LPP: variants seen among roughly 807,000 people sequenced by gnomAD.
The protein encoded by LPP is LIM domain containing preferred translocation partner in lipoma.
In LPP, 38 loss-of-function variants were observed where a neutral mutation model predicts 60.4. The ratio of observed to expected loss-of-function variants is 0.63; its 90% CI spans 0.49 to 0.83. LPP has a LOEUF of 0.83. LPP is among the 40% of genes least tolerant of loss of function. The pLI, the probability that LPP is intolerant of heterozygous loss-of-function variation, is 0.00. For synonymous variants in LPP, 328 were observed against 290.8 expected (o/e 1.13, Z -1.30); for missense variants, 902 against 783.6 (o/e 1.15, Z -1.80).
Position 188,843,786 on chromosome 3 carries a change from C to CAAAAAA in LPP, c.1411-22407_1411-22402dup, listed in dbSNP as rs544161994. ...TGGGCGACAGAGCAAGACTCCGTCT[C>CAAAAAA]AAAAAAAAAAAATCCTTCCTCTGGG... On this transcript the variant is annotated intron_variant, in intron 9 of 11. Transcript: ENST00000617246. 7.4e-4 allele frequency among the ~76,000 whole-genome samples: 56 copies of CAAAAAA among 75,744 alleles called. 4 individuals carry two copies. The highest frequency in any genetic ancestry group is 2.4e-3 in the African/African-American group (50 of 20,502). 49.7% of individuals were successfully genotyped at this position (75,744 alleles called of 152,430 possible).
At chr3:188,659,754 A>G (rs1854137550) in intron 7 of LPP, among the ~76,000 whole-genome samples, 1 of 151,886 alleles carries the variant, frequency 6.6e-6, no homozygotes, top group Admixed American at 6.6e-5. Flanking sequence ...ATATTTGATT[A>G]GCTTATTCCA....
intron 9 of LPP, among the ~76,000 whole-genome samples, chr3:188,852,736 A>G (rs974113116): frequency 1.3e-5 from 2 of 152,226 alleles, no homozygotes; most frequent in African/African-American, 4.8e-5. Flanking sequence ...TATGTTGTTC[A>G]AAAGTGACAC....
intron 2 of LPP, among the ~76,000 whole-genome samples, chr3:188,331,176 T>C (rs1463297393): frequency 6.6e-6 from 1 of 152,170 alleles, no homozygotes; most frequent in African/African-American, 2.4e-5. Context: ...CATGGATATG[T>C]TGAATAGATT....
chr3:188,628,293 G>T (rs1278726133), intron 7 of LPP, among the ~76,000 whole-genome samples: 1 of 151,536 alleles, frequency 6.6e-6, no homozygotes, highest in Non-Finnish European at 1.5e-5. Context: ...CCATACAAAA[G>T]ATCACTAAAA....
chr3:188,240,511 G>T (rs550395973), intron 2 of LPP, among the ~76,000 whole-genome samples: 2 of 152,194 alleles, frequency 1.3e-5, no homozygotes, highest in African/African-American at 4.8e-5. Flanking sequence ...GAATTTGACT[G>T]CTTTATTTTG....
intron 7 of LPP, among the ~76,000 whole-genome samples, chr3:188,627,011 T>A (rs1220383348): frequency 2.0e-5 from 3 of 152,302 alleles, no homozygotes; most frequent in Non-Finnish European, 2.9e-5. Context: ...TACTTTTTCT[T>A]ACATTTTTAG....
intron 2 of LPP, chr3:188,240,129 G>C (rs2149440185): frequency 5.2e-6 from 1 of 191,342 alleles, no homozygotes; most frequent in East Asian, 8.2e-5. Context: ...ATGATGGAGA[G>C]ACTGCTGGAC....
chr3:188,300,486 G>C lies in LPP; in HGVS notation c.-66-41177G>C, dbSNP rs1427194346. Reference sequence around the variant, plus strand: ...TTTTTTTTTTTTTTTGGCAGTAAAGGAATTTGAAGTATCCAGTTTTTTAAA... The same window carrying C: ...TTTTTTTTTTTTTTTGGCAGTAAAGCAATTTGAAGTATCCAGTTTTTTAAA... On this transcript the variant is annotated intron_variant, in intron 2 of 11. Transcript: ENST00000617246. Among the ~76,000 whole-genome samples, 5 of 145,008 alleles carry C rather than the reference G, an allele frequency of 3.4e-5. No individual in the cohort carries two copies. The East Asian group carries it at 9.9e-4, about 29-fold the overall frequency.
chr3:188,756,037 G>A (rs920325827), intron 8 of LPP, among the ~76,000 whole-genome samples: 54 of 151,958 alleles, frequency 3.6e-4, no homozygotes, highest in Non-Finnish European at 8.8e-5. Flanking sequence ...GTTGGTAAGA[G>A]GAGGTAAATC....
intron 4 of LPP, among the ~76,000 whole-genome samples, chr3:188,438,251 G>T (rs1792845154): frequency 6.6e-6 from 1 of 151,908 alleles, no homozygotes; most frequent in African/African-American, 2.4e-5. Flanking sequence ...TTATATTCCT[G>T]TGACTAATGA....
At chr3:188,404,246 ATGTT>A (rs199695675) in intron 3 of LPP, among the ~76,000 whole-genome samples, 5,684 of 152,078 alleles carry the variant, frequency 0.037, 148 homozygotes, top group Non-Finnish European at 0.061. Flanking sequence ...AGAGGTTTAT[ATGTT>A]TGTTTGTTTT....
At chr3:188,606,359 T>TGTGATA (rs1842372170) in intron 6 of LPP, among the ~76,000 whole-genome samples, 1 of 152,182 alleles carries the variant, frequency 6.6e-6, no homozygotes, top group African/African-American at 2.4e-5. Context: ...CACATATCAT[T>TGTGATA]TGTCTCAAAT....
chr3:188,266,000 T>C (rs575037237), intron 2 of LPP, among the ~76,000 whole-genome samples: 1 of 152,242 alleles, frequency 6.6e-6, no homozygotes, highest in Admixed American at 6.5e-5. Context: ...TCTTTATATG[T>C]CTTTACTTCT....
chr3:188,434,683 G>T (rs1219427525), intron 4 of LPP, among the ~76,000 whole-genome samples: 1 of 152,210 alleles, frequency 6.6e-6, no homozygotes, highest in African/African-American at 2.4e-5. Context: ...CTTCAGTTTA[G>T]AAAAGTGCCA....
At chr3:188,331,401 CA>C in intron 2 of LPP, among the ~76,000 whole-genome samples, 1 of 152,286 alleles carries the variant, frequency 6.6e-6, no homozygotes, top group Non-Finnish European at 1.5e-5. Context: ...CAGCTCTTTG[CA>C]AGGCAATTTG....
intron 6 of LPP, among the ~76,000 whole-genome samples, chr3:188,581,312 T>C (rs1836032311): frequency 6.6e-6 from 1 of 152,264 alleles, no homozygotes; most frequent in East Asian, 1.9e-4. Flanking sequence ...GTGGACAGAC[T>C]GGCATTTTAC....
intron 2 of LPP, among the ~76,000 whole-genome samples, chr3:188,312,596 A>G (rs1309380445): frequency 6.6e-6 from 1 of 152,174 alleles, no homozygotes; most frequent in African/African-American, 2.4e-5. Flanking sequence ...GCTCTTTCTC[A>G]AATCTTTGAA....
intron 4 of LPP, among the ~76,000 whole-genome samples, chr3:188,463,781 G>C (rs986777113): frequency 3.3e-5 from 5 of 152,102 alleles, no homozygotes; most frequent in African/African-American, 1.2e-4. Flanking sequence ...GGCAGAGAAC[G>C]GTCATTTAAC....
chr3:188,305,658 T>C (rs1387360356), intron 2 of LPP, among the ~76,000 whole-genome samples: 5 of 152,196 alleles, frequency 3.3e-5, no homozygotes, highest in Admixed American at 2.6e-4. Flanking sequence ...TCTTTGACTA[T>C]AGACTTAAGA....
Sources: allele counts gnomAD v4.1 joint callset (sites outside exome capture counted in the v4.1 genomes callset), GRCh38; gene constraint gnomAD v4.1.1; transcripts MANE v1.5; gene names NCBI Gene and HGNC (gene_info 2026-07-23, HGNC 2026-07-21).